The following ANKLE1 variants were observed in gnomAD, a reference collection of about 807,000 sequenced individuals.
ANKLE1 encodes the protein structure-specific endonuclease ANKLE1.
In ANKLE1, 59 loss-of-function variants were observed where a neutral mutation model predicts 56.2. That is an observed-to-expected ratio of 1.05 (90% CI 0.85 to 1.30). ANKLE1 has a LOEUF of 1.30. Among genes scored for constraint, ANKLE1 ranks in the 50% most tolerant of loss-of-function variants. The probability of loss-of-function intolerance (pLI) is 0.00; values close to 1 mark genes in which losing one functional copy is unlikely to be tolerated. For synonymous variants in ANKLE1, 341 were observed against 352.9 expected, an observed-to-expected ratio of 0.97 and a Z score of 0.38; for missense variants, 771 against 816.1, an observed-to-expected ratio of 0.94 and a Z score of 0.67.
In ANKLE1 at chr19:17,283,621, C is replaced by G; in HGVS notation, c.857C>G (p.Ala286Gly). ...CTGACTCTGACCCCACCAAATGCTG[C>G]TGGCTTCCAGTCCTCCCCTTCCTCC... ...QALTLTPPNA[A>G]GFQSSPSSMP... The change falls in exon 5 of 9, where the codon GCT becomes GGT. Residue 286 changes from alanine to glycine, a missense_variant. By Grantham distance (60) the Ala-to-Gly change is moderately conservative. Transcript: ENST00000404085. 6.2e-7 allele frequency: 1 copy of G among 1,612,120 alleles called. No homozygotes were observed. The highest frequency in any genetic ancestry group is 2.2e-5 in the East Asian group (1 of 44,858).
At chr19:17,284,547 C>G (rs1568342020) in intron 6 of ANKLE1, among the ~76,000 whole-genome samples, 1 of 152,008 alleles carries the variant, frequency 6.6e-6, no homozygotes, top group South Asian at 2.1e-4. Flanking sequence ...CCACGCCCGA[C>G]TAATTTTTGT....
In ANKLE1 at chr19:17,286,865, AG is replaced by A; in HGVS notation, c.*314del. 2.6e-6 allele frequency: 3 copies of A among 1,143,538 alleles called. No homozygotes were observed. The highest frequency in any genetic ancestry group is 2.2e-6 in the Non-Finnish European group (2 of 918,904). 70.8% of individuals were successfully genotyped at this position (1,143,538 alleles called of 1,614,324 possible). ...TTTGGAACAGTCCGGTGCTTCTGTA[AG>A]AGGCGTTTGAACCTGGGCAACTCCA... is the stretch of plus-strand genomic sequence containing the variant. On this transcript the variant is annotated 3_prime_UTR_variant, in exon 9 of 9. Transcript: ENST00000404085.
Position 17,286,399 on chromosome 19 carries a change from C to A in ANKLE1, c.1695C>A (p.Asn565Lys). The A allele has an allele frequency of 6.3e-7, 1 of 1,578,036 alleles. No individual in the cohort carries two copies. The highest frequency in any genetic ancestry group is 8.6e-7 in the Non-Finnish European group (1 of 1,157,290). Residue 565 changes from asparagine to lysine, a missense_variant, in exon 9 of 9, where the codon AAC becomes AAA. Asn to Lys is a moderately conservative substitution (Grantham distance 94). Coordinates refer to ENST00000404085, the MANE Select transcript of ANKLE1 (RefSeq NM_152363.6). ...CTCCAGGGATCCAGACGCTCACCAA[C>A]CAGAAGCAAGGGCACTGCTATGGAG... ...VEALGIQTLT[N>K]QKQGHCYGVV...
intron 1 of ANKLE1, 35 bp downstream of exon 1, chr19:17,282,017 G>A (rs866940428): frequency 6.5e-7 from 1 of 1,536,286 alleles, no homozygotes; most frequent in South Asian, 1.2e-5. Flanking sequence ...CAGGAGTGGG[G>A]GTCTTTGGCC....
chr19:17,284,224 G>C lies in ANKLE1; in HGVS notation c.1334G>C (p.Gly445Ala). Residue 445 changes from glycine (G) to alanine (A), a missense_variant, in exon 6 of 9, where the codon GGG (glycine) becomes GCG (alanine). Physicochemically the swap from Gly to Ala is moderately conservative, Grantham distance 60 (BLOSUM62 0). Transcript: ENST00000404085. ...QPDPARRWRE[G>A]VVKSSFTYLL... is the part of the protein sequence containing the mutation. ...GATCCTGCCAGGAGGTGGCGGGAGGGGGTCGTGAAGTCTAGCTTCACCTAT... is the reference window on the plus strand; with the variant it reads ...GATCCTGCCAGGAGGTGGCGGGAGGCGGTCGTGAAGTCTAGCTTCACCTAT... The C allele has an allele frequency of 6.2e-7, 1 of 1,613,848 alleles. No individual in the cohort carries two copies. Among genetic ancestry groups the C allele is most frequent in the Non-Finnish European group, 8.5e-7 (1 of 1,179,880 alleles).
rs750841017 is a variant in ANKLE1 at position 17,286,463 on chromosome 19, G to T, written c.1759G>T (p.Gly587Trp). Residue 587 changes from glycine to tryptophan, a missense_variant, in exon 9 of 9, where the codon GGG becomes TGG. By Grantham distance (184) the Gly-to-Trp change is radical (BLOSUM62 -2). Coordinates refer to ENST00000404085, the MANE Select transcript of ANKLE1 (RefSeq NM_152363.6). ...GCCACCTGCTCGTCGCCGGCGCTTG[G>T]GGGTGCACCTGCTGCACCGTGCCCT... The part of the protein sequence containing the change: ...GWPPARRRRL[G>W]VHLLHRALLV... 6 of 1,612,706 alleles carry T rather than the reference G, an allele frequency of 3.7e-6. No homozygotes were observed. In the Admixed American group the frequency reaches 1.0e-4, roughly 27 times the overall value.
rs1239904924 is a variant in ANKLE1 at position 17,283,950 on chromosome 19, C to A, written c.1186C>A (p.Gln396Lys). 1 of 1,604,518 alleles carries A rather than the reference C, an allele frequency of 6.2e-7. No homozygotes were observed. Among genetic ancestry groups the A allele is most frequent in the Admixed American group, 1.7e-5 (1 of 59,708 alleles). The change falls in exon 5 of 9, where the codon CAG (glutamine) becomes AAG (lysine). Residue 396 changes from glutamine (Q) to lysine (K), a missense_variant. Gln to Lys is a moderately conservative substitution (Grantham distance 53). Coordinates refer to ENST00000404085, the MANE Select transcript of ANKLE1 (RefSeq NM_152363.6). ...QLYHQQLEEA[Q>K]IAPGPEFSGH... is the part of the protein sequence containing the mutation. ...GTACCACCAGCAGCTGGAAGAAGCC[C>A]AGATTGCTCCTGGTTAGTCTTCCCA... is the stretch of plus-strand genomic sequence containing the variant.
chr19:17,285,630 G>T (rs767460796), intron 7 of ANKLE1, 40 bp downstream of exon 7: 1 of 1,613,916 alleles, frequency 6.2e-7, no homozygotes, highest in Non-Finnish European at 8.5e-7. Context: ...GGGCAGTCGG[G>T]CCATGGGCAG....
rs139428363 is a variant in ANKLE1, at chr19:17,283,684, C to A, written c.920C>A (p.Pro307Gln). 3 of 1,613,678 alleles carry A rather than the reference C, an allele frequency of 1.9e-6. No individual in the cohort carries two copies. The highest frequency in any genetic ancestry group is 2.2e-5 in the East Asian group (1 of 44,882). ...GACAGGAGTCCAGCTCATAGCCCCC[C>A]ACGGACACCAACCCCTGGAGCTTCT... ...LLDRSPAHSPPRTPTPGASDC... is the reference protein window; with the variant it reads ...LLDRSPAHSPQRTPTPGASDC... Residue 307 changes from proline (P) to glutamine (Q), a missense_variant, in exon 5 of 9, where the codon CCA becomes CAA. By Grantham distance (76) the Pro-to-Gln change is moderately conservative (BLOSUM62 -1). Coordinates refer to ENST00000404085, the MANE Select transcript of ANKLE1 (RefSeq NM_152363.6).
rs564336131 is a variant in ANKLE1, at chr19:17,283,693, C to T, written c.929C>T (p.Pro310Leu). Residue 310 changes from proline to leucine, a missense_variant, in exon 5 of 9, where the codon CCA (proline) becomes CTA (leucine). By Grantham distance (98) the Pro-to-Leu change is moderately conservative. Coordinates refer to ENST00000404085, the MANE Select transcript of ANKLE1 (RefSeq NM_152363.6). ...RSPAHSPPRT[P>L]TPGASDCHCL... is the part of the protein sequence containing the mutation. Reference sequence around the variant, plus strand: ...CCAGCTCATAGCCCCCCACGGACACCAACCCCTGGAGCTTCTGACTGCCAC... The same window carrying T: ...CCAGCTCATAGCCCCCCACGGACACTAACCCCTGGAGCTTCTGACTGCCAC... 7.4e-5 allele frequency: 120 copies of T among 1,613,558 alleles called. No individual in the cohort carries two copies. In the East Asian group the frequency reaches 2.2e-3, roughly 29 times the overall value.
chr19:17,282,199 C>G lies in ANKLE1; in HGVS notation c.205C>G (p.Pro69Ala). Residue 69 changes from proline (P) to alanine (A), a missense_variant, in exon 2 of 9, where the codon CCC becomes GCC. Physicochemically the swap from Pro to Ala is conservative, Grantham distance 27. Transcript: ENST00000404085. Reference protein sequence around the residue: ...LGALLRQGGDPNARSVEALTP... With the variant: ...LGALLRQGGDANARSVEALTP... ...GGCCCTACTGCGCCAAGGCGGGGACCCCAACGCTCGGTAAGATAGAGCCTG... is the reference window on the plus strand; with the variant it reads ...GGCCCTACTGCGCCAAGGCGGGGACGCCAACGCTCGGTAAGATAGAGCCTG... 4 of 1,512,950 alleles carry G rather than the reference C, an allele frequency of 2.6e-6. No individual in the cohort carries two copies. The highest frequency in any genetic ancestry group is 2.3e-4 in the Middle Eastern group (1 of 4,368). 93.7% of individuals were successfully genotyped at this position (1,512,950 alleles called of 1,614,324 possible).
chr19:17,285,853 GA>G lies in ANKLE1; in HGVS notation c.1675+37del, dbSNP rs566377495. 86 of 1,610,170 alleles carry G rather than the reference GA, an allele frequency of 5.3e-5. No individual in the cohort carries two copies. In the African/African-American group the frequency reaches 1.1e-3, roughly 20 times the overall value. On this transcript the variant is annotated intron_variant, in intron 8 of 8. Coordinates refer to ENST00000404085, the MANE Select transcript of ANKLE1 (RefSeq NM_152363.6). Reference sequence around the variant, plus strand: ...CTGGTACCTAGAATGGGGGTCATATGAAAGGCATTTGGCTTCCCAGTTCCCT... The same window carrying G: ...CTGGTACCTAGAATGGGGGTCATATGAAGGCATTTGGCTTCCCAGTTCCCT...
chr19:17,282,794 G>C, intron 3 of ANKLE1, 33 bp downstream of exon 3: 1 of 1,569,674 alleles, frequency 6.4e-7, no homozygotes, highest in Non-Finnish European at 8.6e-7. Flanking sequence ...AAGAAAGGCT[G>C]GGTGAGCCCA....
chr19:17,286,311 C>G (rs2074029613), intron 8 of ANKLE1, 69 bp from the exon 9 acceptor site: 1 of 1,502,872 alleles, frequency 6.7e-7, no homozygotes, highest in Non-Finnish European at 8.9e-7. Context: ...CGCCTGCTGT[C>G]ACACACTTCT....
Position 17,282,644 on chromosome 19 carries a change from C to T in ANKLE1, c.216-12C>T. Reference sequence around the variant, plus strand: ...TGAGTCCGCAATGACCCCTCTTGCGCTGCCGCCCCAGATCTGTCGAGGCAC... The same window carrying T: ...TGAGTCCGCAATGACCCCTCTTGCGTTGCCGCCCCAGATCTGTCGAGGCAC... On this transcript the variant is annotated splice_polypyrimidine_tract_variant and intron_variant, in intron 2 of 8. Coordinates refer to ENST00000404085, the MANE Select transcript of ANKLE1 (RefSeq NM_152363.6). The T allele has an allele frequency of 2.0e-6, 3 of 1,533,394 alleles. No homozygotes were observed. The highest frequency in any genetic ancestry group is 2.6e-6 in the Non-Finnish European group (3 of 1,146,012). 95.0% of individuals were successfully genotyped at this position (1,533,394 alleles called of 1,614,324 possible). A position where few individuals can be genotyped will look rare whatever the true frequency, so the allele number is the denominator to read the frequency against.
chr19:17,282,536 C>T, intron 2 of ANKLE1, 120 bp from the exon 3 acceptor site: 1 of 1,073,904 alleles, frequency 9.3e-7, no homozygotes, highest in Non-Finnish European at 1.4e-6. Flanking sequence ...GGCAGTGTAC[C>T]AGGGTGGACG....
intron 6 of ANKLE1, 117 bp downstream of exon 6, chr19:17,284,383 C>CTT: frequency 3.5e-6 from 3 of 863,740 alleles, no homozygotes; most frequent in South Asian, 1.8e-5. Flanking sequence ...GCTTCTTCTT[C>CTT]TTTTTTTTTA....
chr19:17,282,323 G>C, intron 2 of ANKLE1, 114 bp downstream of exon 2: 7 of 1,383,742 alleles, frequency 5.1e-6, no homozygotes, highest in South Asian at 1.5e-5. Context: ...TGGGGTTTAG[G>C]GGATCTTGGG....
At chr19:17,282,353 A>G (rs2073982728) in intron 2 of ANKLE1, 144 bp downstream of exon 2, 1 of 1,268,454 alleles carries the variant, frequency 7.9e-7, no homozygotes, top group South Asian at 1.6e-5. Flanking sequence ...TGGGGGTCCA[A>G]GGGCAGGGGC....
Sources: allele counts gnomAD v4.1 joint callset (sites outside exome capture counted in the v4.1 genomes callset), GRCh38; gene constraint gnomAD v4.1.1; transcripts MANE v1.5; gene names NCBI Gene and HGNC (gene_info 2026-07-23, HGNC 2026-07-21).